Variants in LSAMP observed in about 807,000 individuals in gnomAD.
LSAMP encodes the protein limbic system-associated membrane protein.
In LSAMP, 7 loss-of-function variants were observed where a neutral mutation model predicts 38.6. The ratio of observed to expected loss-of-function variants is 0.18; its 90% CI spans 0.10 to 0.34. The LOEUF (loss-of-function observed/expected upper bound fraction) is 0.34, where lower values mean the gene tolerates loss of function less well. Ranked by LOEUF, LSAMP falls within the 10% of genes least tolerant of loss-of-function variation. LSAMP has a pLI of 1.00. For synonymous variants in LSAMP, 154 were observed against 166.8 expected (o/e 0.92, Z 0.59); for missense variants, 313 against 420.0 (o/e 0.75, Z 2.23).
chr3:116,397,790 C>T (rs954016283), intron 1 of LSAMP, among the ~76,000 whole-genome samples: 4 of 152,010 alleles, frequency 2.6e-5, no homozygotes, highest in East Asian at 1.9e-4. Context: ...TCTTGTAGCA[C>T]GAGTCATAGT....
At chr3:115,975,703 G>A (rs73860537) in intron 3 of LSAMP, among the ~76,000 whole-genome samples, 42,075 of 151,884 alleles carry the variant, frequency 0.28, 7,045 homozygotes, top group African/African-American at 0.48. Context: ...AGCATTGACT[G>A]TTTTTTTCCC....
chr3:115,861,134 CT>C (rs1559855398), intron 3 of LSAMP, among the ~76,000 whole-genome samples: 1 of 5,392 alleles, frequency 1.9e-4, no homozygotes, highest in Non-Finnish European at 3.2e-4. Context: ...TCTTTCTTTC[CT>C]TCCTTCCTTC....
intron 3 of LSAMP, among the ~76,000 whole-genome samples, chr3:116,004,383 A>G (rs921562120): frequency 2.0e-5 from 3 of 151,818 alleles, no homozygotes; most frequent in Non-Finnish European, 1.5e-5. Context: ...TCATACAAAT[A>G]ATCTAAGCAA....
At chr3:116,114,356 G>A (rs1259216390) in intron 1 of LSAMP, among the ~76,000 whole-genome samples, 2 of 152,222 alleles carry the variant, frequency 1.3e-5, no homozygotes, top group South Asian at 2.1e-4. Context: ...GCTGGGAGCA[G>A]TGTCCAGAGC....
intron 1 of LSAMP, among the ~76,000 whole-genome samples, chr3:116,441,048 C>T (rs78160848): frequency 6.6e-6 from 1 of 152,082 alleles, no homozygotes; most frequent in Admixed American, 6.5e-5. Context: ...TTCTTCTTTT[C>T]CCCCCTTGGT....
intron 1 of LSAMP, among the ~76,000 whole-genome samples, chr3:116,425,461 G>A (rs1461520123): frequency 1.3e-5 from 2 of 152,176 alleles, no homozygotes; most frequent in Non-Finnish European, 2.9e-5. Context: ...TAGTACTGAT[G>A]CAAATATGGC....
At chr3:116,204,633 T>C (rs1305062037) in intron 1 of LSAMP, among the ~76,000 whole-genome samples, 1 of 152,122 alleles carries the variant, frequency 6.6e-6, no homozygotes, top group Non-Finnish European at 1.5e-5. Context: ...TAGCCAGTTT[T>C]CCCAGCACCA....
At chr3:116,302,021 C>T (rs1023488088) in intron 1 of LSAMP, among the ~76,000 whole-genome samples, 1 of 152,286 alleles carries the variant, frequency 6.6e-6, no homozygotes. Flanking sequence ...GTAACAGACA[C>T]TGCTCAATGG....
At position 115,804,881 on chromosome 3, in the gene LSAMP, A is replaced by G. The variant is rs927539690; in HGVS notation, c.*5436T>C. On this transcript the variant is annotated 3_prime_UTR_variant, in exon 7 of 7. Coordinates refer to ENST00000490035, the MANE Select transcript of LSAMP (RefSeq NM_002338.5). ...GATAAATGTGTGGAAACATTAGGCT[A>G]CCAGATAAATAAAAGGTAGTTATTT... 1.3e-5 allele frequency: 2 copies of G among 152,188 alleles called. No individual in the cohort carries two copies. Among genetic ancestry groups the G allele is most frequent in the Non-Finnish European group, 2.9e-5 (2 of 68,000 alleles). 9.4% of individuals were successfully genotyped at this position (152,188 alleles called of 1,614,324 possible).
chr3:115,932,307 A>G (rs1937592506), intron 3 of LSAMP, among the ~76,000 whole-genome samples: 1 of 152,212 alleles, frequency 6.6e-6, no homozygotes, highest in African/African-American at 2.4e-5. Flanking sequence ...TGACCACAGA[A>G]CCTGTGCTTT....
At chr3:115,911,808 T>C (rs1379884763) in intron 3 of LSAMP, among the ~76,000 whole-genome samples, 1 of 152,234 alleles carries the variant, frequency 6.6e-6, no homozygotes, top group East Asian at 1.9e-4. Context: ...CAACAAAGTA[T>C]GAATTATTCA....
chr3:116,327,599 G>A (rs2047791076), intron 1 of LSAMP, among the ~76,000 whole-genome samples: 2 of 151,974 alleles, frequency 1.3e-5, no homozygotes, highest in Admixed American at 1.3e-4. Context: ...TACTCTCTGG[G>A]ATATGCTAAA....
chr3:116,195,097 C>T (rs113513511), intron 1 of LSAMP, among the ~76,000 whole-genome samples: 14,636 of 152,226 alleles, frequency 0.096, 962 homozygotes, highest in Middle Eastern at 0.21. Flanking sequence ...CTGTATTGAT[C>T]TCCCTTTTCC....
chr3:116,108,310 T>C lies in LSAMP; in HGVS notation c.156-21754A>G, dbSNP rs936201886. 2.7e-5 allele frequency among the ~76,000 whole-genome samples: 4 copies of C among 146,370 alleles called. 1 individual carries two copies. The highest frequency in any genetic ancestry group is 5.9e-5 in the Non-Finnish European group (4 of 67,964). On this transcript the variant is annotated intron_variant, in intron 1 of 6. Transcript: ENST00000490035. ...CGGCCTAATAAGGGAACTGGGCAGG[T>C]GGGGATAACTAAAAAGGAGTGCTTA...
chr3:116,279,395 G>T (rs1355082105), intron 1 of LSAMP, among the ~76,000 whole-genome samples: 1 of 152,144 alleles, frequency 6.6e-6, no homozygotes, highest in Non-Finnish European at 1.5e-5. Context: ...AGCTTTCTTG[G>T]CTGTCCAGAA....
At chr3:116,264,237 C>T (rs1197334955) in intron 1 of LSAMP, among the ~76,000 whole-genome samples, 1 of 152,132 alleles carries the variant, frequency 6.6e-6, no homozygotes, top group Non-Finnish European at 1.5e-5. Context: ...ATGTACTCTT[C>T]TGAGATAAAG....
chr3:115,834,973 G>T (rs182818945), intron 6 of LSAMP, among the ~76,000 whole-genome samples: 4 of 151,964 alleles, frequency 2.6e-5, no homozygotes, highest in Admixed American at 1.3e-4. Flanking sequence ...CTTGGTTCTC[G>T]TCTCTTTAGC....
intron 1 of LSAMP, among the ~76,000 whole-genome samples, chr3:116,130,225 T>C (rs1709094351): frequency 6.6e-6 from 1 of 152,218 alleles, no homozygotes. Flanking sequence ...TCATTACCTG[T>C]TTCCCTTATT....
At chr3:116,105,983 G>A (rs1221690721) in intron 1 of LSAMP, among the ~76,000 whole-genome samples, 3 of 152,024 alleles carry the variant, frequency 2.0e-5, no homozygotes, top group East Asian at 3.9e-4. Context: ...GTGGTAAGGG[G>A]TGATATTGTG....
Sources: allele counts gnomAD v4.1 joint callset (sites outside exome capture counted in the v4.1 genomes callset), GRCh38; gene constraint gnomAD v4.1.1; transcripts MANE v1.5; gene names NCBI Gene and HGNC (gene_info 2026-07-23, HGNC 2026-07-21).